The following TRPA1 variants were observed in gnomAD, a reference collection of about 807,000 sequenced individuals.
TRPA1 encodes the protein transient receptor potential cation channel subfamily A member 1.
TRPA1 carries 129 observed loss-of-function variants against 131.3 expected under a neutral mutation model. The observed-to-expected ratio is 0.98, with a 90% CI of 0.85 to 1.14. The LOEUF is 1.14. TRPA1 is among the 50% of genes most tolerant of loss of function. The pLI is 0.00. For missense variants in TRPA1, 1,304 were observed against 1,354.2 expected, an observed-to-expected ratio of 0.96 and a Z score of 0.58; for synonymous variants, 441 against 451.7, an observed-to-expected ratio of 0.98 and a Z score of 0.30.
intron 23 of TRPA1, among the ~76,000 whole-genome samples, chr8:72,030,393 T>C (rs932904995): frequency 6.6e-6 from 1 of 152,146 alleles, no homozygotes; most frequent in African/African-American, 2.4e-5. Flanking sequence ...AAAATTGAAA[T>C]CATAGCAAGG....
Position 72,075,438 on chromosome 8 carries a change from A to G in TRPA1, c.-29T>C, listed in dbSNP as rs1563408727. ...CCCCACCCCGGACGCCACCTGGTGCAGCTGCTCACCACGCGCGCGGGCACC... is the reference window on the plus strand; with the variant it reads ...CCCCACCCCGGACGCCACCTGGTGCGGCTGCTCACCACGCGCGCGGGCACC... On this transcript the variant is annotated 5_prime_UTR_variant, in exon 1 of 27. Transcript: ENST00000262209. 2 of 1,563,414 alleles carry G rather than the reference A, an allele frequency of 1.3e-6. No individual in the cohort carries two copies. The highest frequency in any genetic ancestry group is 1.7e-6 in the Non-Finnish European group (2 of 1,143,516).
chr8:72,061,675 G>T lies in TRPA1; in HGVS notation c.894C>A (p.Ser298Arg). 1 of 1,614,016 alleles carries T rather than the reference G, an allele frequency of 6.2e-7. No individual in the cohort carries two copies. Among genetic ancestry groups the T allele is most frequent in the Non-Finnish European group, 8.5e-7 (1 of 1,179,936 alleles). Reference sequence around the variant, plus strand: ...CATCGGTTGTGTTAACAATATCCACGCTACCAGAATAGGACGATATCATCA... The same window carrying T: ...CATCGGTTGTGTTAACAATATCCACTCTACCAGAATAGGACGATATCATCA... ...VKLMISSYSGSVDIVNTTDGC... is the reference protein window; with the variant it reads ...VKLMISSYSGRVDIVNTTDGC... Residue 298 changes from serine (S) to arginine (R), a missense_variant, in exon 7 of 27, where the codon AGC becomes AGA. Transcript: ENST00000262209.
At chr8:72,028,652 T>C (rs1333391771) in intron 24 of TRPA1, among the ~76,000 whole-genome samples, 1 of 152,250 alleles carries the variant, frequency 6.6e-6, no homozygotes, top group East Asian at 1.9e-4. Flanking sequence ...TGGTTCTCAG[T>C]TGATTTTTGA....
chr8:72,069,693 T>C (rs1168853221), intron 2 of TRPA1, among the ~76,000 whole-genome samples: 1 of 151,818 alleles, frequency 6.6e-6, no homozygotes, highest in Admixed American at 6.6e-5. Context: ...GTATGAAAGT[T>C]ACCATACTTC....
In TRPA1 at chr8:72,034,387, TAAAAAA is replaced by T; in HGVS notation, c.2556-16_2556-11del. The T allele has an allele frequency of 8.6e-7, 1 of 1,161,576 alleles. No individual in the cohort carries two copies. Among genetic ancestry groups the T allele is most frequent in the Non-Finnish European group, 1.2e-6 (1 of 839,466 alleles). 72.0% of individuals were successfully genotyped at this position (1,161,576 alleles called of 1,614,324 possible). A position where few individuals can be genotyped will look rare whatever the true frequency, so the allele number is the denominator to read the frequency against. On this transcript the variant is annotated splice_polypyrimidine_tract_variant and intron_variant, in intron 21 of 26. Coordinates refer to ENST00000262209, the MANE Select transcript of TRPA1 (RefSeq NM_007332.3). ...TCCACAATTTTCAAATCTAGAAAAG[TAAAAAA>T]AAAAAAATTTACTCACTTTTATAGT...
Position 72,067,126 on chromosome 8 carries a change from C to A in TRPA1, c.445-1568G>T, listed in dbSNP as rs191242576. Among the ~76,000 whole-genome samples, 235 of 152,190 alleles carry A rather than the reference C, an allele frequency of 1.5e-3. 1 individual carries two copies. In the Middle Eastern group the frequency reaches 0.017, roughly 11 times the overall value. On this transcript the variant is annotated intron_variant, in intron 3 of 26. Transcript: ENST00000262209. The stretch of plus-strand genomic sequence containing the variant: ...GGATGACAGTTTTTTACTTTACAAC[C>A]ATTATAGGCAGCAGAGGAAGGTTTG...
intron 1 of TRPA1, among the ~76,000 whole-genome samples, chr8:72,072,605 C>T (rs1806089613): frequency 6.6e-6 from 1 of 152,128 alleles, no homozygotes; most frequent in Non-Finnish European, 1.5e-5. Context: ...TACACATATT[C>T]AGTAATAAAT....
chr8:72,025,372 G>T (rs190012080), intron 25 of TRPA1, among the ~76,000 whole-genome samples: 8 of 152,040 alleles, frequency 5.3e-5, no homozygotes, highest in African/African-American at 1.9e-4. Flanking sequence ...AAGGTGCCTT[G>T]CTTCCCCTTC....
At chr8:72,064,788 C>T (rs578205526) in intron 4 of TRPA1, among the ~76,000 whole-genome samples, 6 of 151,054 alleles carry the variant, frequency 4.0e-5, no homozygotes, top group East Asian at 3.9e-4. Context: ...GTCTATTTGC[C>T]GGCATTCTAA....
rs1258421073 is a variant in TRPA1, at chr8:72,023,856, G to A, written c.3107C>T (p.Ala1036Val). The A allele has an allele frequency of 3.8e-6, 6 of 1,595,650 alleles. No individual in the cohort carries two copies. The highest frequency in any genetic ancestry group is 5.2e-6 in the Non-Finnish European group (6 of 1,163,782). ...TGEIRQEIPN[A>V]DKSLEMEILK... ...TATTTCCATTTCTAAAGATTTATCA[G>A]CATTTGGTATTTCTTGTCTTATTTC... The change falls in exon 26 of 27, where the codon GCT becomes GTT. Residue 1036 changes from alanine to valine, a missense_variant. Transcript: ENST00000262209.
rs768364953 is a variant in TRPA1, at chr8:72,026,109, A to T, written c.2938-36T>A. 1.8e-5 allele frequency: 28 copies of T among 1,530,764 alleles called. No individual in the cohort carries two copies. The South Asian group carries it at 3.1e-4, about 17-fold the overall frequency. The allele number at this position is 1,530,764 out of a possible 1,614,324, so 94.8% of individuals were successfully genotyped here. ...TTTTGGATTTATTGATAGAATCATT[A>T]GTTAGTATATGGAATTTTTATATGG... On this transcript the variant is annotated intron_variant, in intron 24 of 26. Transcript: ENST00000262209.
chr8:72,055,593 G>A lies in TRPA1; in HGVS notation c.1372C>T (p.Arg458Cys), dbSNP rs374228201. The change falls in exon 12 of 27, where the codon CGT (arginine) becomes TGT (cysteine). Residue 458 changes from arginine (R) to cysteine (C), a missense_variant. Transcript: ENST00000262209. ...AGGAGCCTCTGACAGGTATTGATAC[G>A]CCCATAACTTGGAAAAAATTAGGTT... ...SPLHFAASYG[R>C]INTCQRLLQD... 38 of 1,612,828 alleles carry A rather than the reference G, an allele frequency of 2.4e-5. No homozygotes were observed. The highest frequency in any genetic ancestry group is 1.6e-4 in the Middle Eastern group (1 of 6,074).
At position 72,075,467 on chromosome 8, in the gene TRPA1, G is replaced by A; in HGVS notation, c.-58C>T. The stretch of plus-strand genomic sequence containing the variant: ...GCTCACCACGCGCGCGGGCACCTGG[G>A]GCGAGAGAGCGCTGTCAGCCTGCCA... On this transcript the variant is annotated 5_prime_UTR_variant, in exon 1 of 27. Coordinates refer to ENST00000262209, the MANE Select transcript of TRPA1 (RefSeq NM_007332.3). 7.1e-7 allele frequency: 1 copy of A among 1,406,530 alleles called. No individual in the cohort carries two copies. 87.1% of individuals were successfully genotyped at this position (1,406,530 alleles called of 1,614,324 possible).
chr8:72,039,817 G>A lies in TRPA1; in HGVS notation c.2062-20C>T, dbSNP rs762549611. ...CATTGCCTGAGAAATAAAAAAAAGT[G>A]TAATAAAAACACAATCATAATCAAC... On this transcript the variant is annotated intron_variant, in intron 17 of 26. Transcript: ENST00000262209. 1.3e-6 allele frequency: 2 copies of A among 1,539,448 alleles called. No individual in the cohort carries two copies. Among genetic ancestry groups the A allele is most frequent in the African/African-American group, 1.4e-5 (1 of 73,430 alleles).
chr8:72,046,122 C>A (rs1447464641), intron 17 of TRPA1, among the ~76,000 whole-genome samples: 3 of 151,922 alleles, frequency 2.0e-5, no homozygotes, highest in Non-Finnish European at 4.4e-5. Context: ...GCAAGTGTTA[C>A]CTGTGTTGTC....
At chr8:72,044,311 A>G (rs1374524524) in intron 17 of TRPA1, among the ~76,000 whole-genome samples, 1 of 151,876 alleles carries the variant, frequency 6.6e-6, no homozygotes, top group South Asian at 2.1e-4. Context: ...GGTTTCTTCA[A>G]GCTAAAATAA....
the TRPA1 span, among the ~76,000 whole-genome samples, chr8:72,082,600 G>T: frequency 6.6e-6 from 1 of 151,900 alleles, no homozygotes; most frequent in African/African-American, 2.4e-5. Flanking sequence ...AGTTTTGTTT[G>T]ATACACATTT....
chr8:72,034,363 C>T lies in TRPA1; in HGVS notation c.2570G>A (p.Gly857Glu), dbSNP rs1585844998. Reference protein sequence around the residue: ...LLYLQRFENCGIFIVMLEVIL... With the variant: ...LLYLQRFENCEIFIVMLEVIL... ...TACCTCCAACATAACAATAAAAATT[C>T]CACAATTTTCAAATCTAGAAAAGTA... Residue 857 changes from glycine (G) to glutamate (E), a missense_variant, in exon 22 of 27, where the codon GGA (glycine) becomes GAA (glutamate). Coordinates refer to ENST00000262209, the MANE Select transcript of TRPA1 (RefSeq NM_007332.3). The T allele has an allele frequency of 5.9e-6, 9 of 1,526,184 alleles. No individual in the cohort carries two copies. The highest frequency in any genetic ancestry group is 2.3e-5 in the East Asian group (1 of 44,110). 94.5% of individuals were successfully genotyped at this position (1,526,184 alleles called of 1,614,324 possible).
In TRPA1 at chr8:72,052,789, A is replaced by G. The variant is rs569897815; in HGVS notation, c.1645-24T>C. On this transcript the variant is annotated intron_variant, in intron 13 of 26. Transcript: ENST00000262209. ...TTCTTTTGAAGAAAAACAGACACAG[A>G]AAACGTGGTGACAGTGTCTAATCTG... 2.9e-4 allele frequency: 468 copies of G among 1,611,672 alleles called. 4 individuals carry two copies. In the South Asian group the frequency reaches 5.0e-3, roughly 17 times the overall value.
Sources: gnomAD v4.1 joint callset for allele counts (sites outside exome capture counted in the v4.1 genomes callset) on GRCh38, gnomAD v4.1.1 for gene constraint, MANE v1.5 for transcripts, NCBI Gene and HGNC (gene_info 2026-07-23, HGNC 2026-07-21) for gene names.